The following GMDS variants were observed in gnomAD, a reference collection of about 807,000 sequenced individuals.
GMDS encodes GDP-mannose 4,6 dehydratase.
GMDS carries 20 observed loss-of-function variants against 49.9 expected under a neutral mutation model. The observed-to-expected ratio is 0.40, with a 90% confidence interval of 0.28 to 0.58. The LOEUF is 0.58. Among genes scored for constraint, GMDS ranks in the 20% least tolerant of loss-of-function variants. GMDS has a pLI of 0.42. For missense variants in GMDS, 362 were observed against 481.4 expected (o/e 0.75, Z 2.32); for synonymous variants, 177 against 178.6 (o/e 0.99, Z 0.07).
chr6:1,963,614 C>T (rs186900779), intron 4 of GMDS, among the ~76,000 whole-genome samples: 185 of 152,150 alleles, frequency 1.2e-3, no homozygotes, highest in African/African-American at 4.3e-3. Flanking sequence ...TCTAGTTGTC[C>T]CAGCACCATT....
intron 7 of GMDS, among the ~76,000 whole-genome samples, chr6:1,927,267 A>G (rs1338999204): frequency 3.0e-3 from 3 of 1,006 alleles, no homozygotes; most frequent in Non-Finnish European, 5.6e-3. Context: ...GTGTTGGTGT[A>G]TTTTTATTCG....
At chr6:2,236,586 G>A (rs1781365275) in intron 1 of GMDS, among the ~76,000 whole-genome samples, 1 of 152,114 alleles carries the variant, frequency 6.6e-6, no homozygotes, top group South Asian at 2.1e-4. Context: ...AATACTACTA[G>A]TGTCTGCATA....
chr6:1,709,742 A>G (rs1463263127), intron 9 of GMDS, among the ~76,000 whole-genome samples: 1 of 152,232 alleles, frequency 6.6e-6, no homozygotes, highest in African/African-American at 2.4e-5. Flanking sequence ...GTGCAAAAAG[A>G]AGAACTTATT....
At chr6:2,136,866 A>G (rs770348809) in intron 1 of GMDS, among the ~76,000 whole-genome samples, 2 of 151,072 alleles carry the variant, frequency 1.3e-5, no homozygotes, top group Admixed American at 6.6e-5. Flanking sequence ...CCAGGCCACT[A>G]CATTCTAGCC....
chr6:1,938,133 G>T (rs1762639934), intron 6 of GMDS, among the ~76,000 whole-genome samples: 2 of 152,138 alleles, frequency 1.3e-5, no homozygotes, highest in Admixed American at 1.3e-4. Flanking sequence ...GCCAAATAGG[G>T]TCTCCATTTG....
chr6:1,967,194 C>T (rs975966277), intron 4 of GMDS, among the ~76,000 whole-genome samples: 2 of 152,172 alleles, frequency 1.3e-5, no homozygotes, highest in Non-Finnish European at 2.9e-5. Flanking sequence ...CTTTATCCTG[C>T]TTCATTTCAC....
intron 7 of GMDS, among the ~76,000 whole-genome samples, chr6:1,777,021 G>A (rs1003464399): frequency 6.6e-6 from 1 of 152,220 alleles, no homozygotes; most frequent in Non-Finnish European, 1.5e-5. Context: ...AGATAATCAT[G>A]AGTGTGAAAA....
intron 6 of GMDS, among the ~76,000 whole-genome samples, chr6:1,931,347 G>A (rs1441781949): frequency 6.6e-6 from 1 of 152,202 alleles, no homozygotes; most frequent in East Asian, 1.9e-4. Context: ...CAAGAACGTG[G>A]CTTAGCGCAA....
At chr6:2,242,652 C>T (rs1196394) in intron 1 of GMDS, among the ~76,000 whole-genome samples, 87,805 of 152,094 alleles carry the variant, frequency 0.58, 28,366 homozygotes, top group African/African-American at 0.84. Flanking sequence ...TCATAAGGCT[C>T]ACCACAGTCT....
intron 9 of GMDS, among the ~76,000 whole-genome samples, chr6:1,707,459 A>G (rs56348422): frequency 0.017 from 2,584 of 152,300 alleles, 70 homozygotes; most frequent in African/African-American, 0.059. Flanking sequence ...ACACTCTCTC[A>G]AAGGCCCTGC....
chr6:1,975,126 A>G (rs1393033581), intron 4 of GMDS, among the ~76,000 whole-genome samples: 1 of 152,216 alleles, frequency 6.6e-6, no homozygotes, highest in Non-Finnish European at 1.5e-5. Flanking sequence ...TCATTTTCAT[A>G]GTGAAAAATC....
chr6:1,643,139 A>G (rs1244926423), intron 9 of GMDS, among the ~76,000 whole-genome samples: 1 of 152,138 alleles, frequency 6.6e-6, no homozygotes, highest in Admixed American at 6.5e-5. Context: ...GGAGTTTGTG[A>G]AAAGTGGAGC....
At chr6:1,910,057 T>C (rs189660971) in intron 7 of GMDS, among the ~76,000 whole-genome samples, 1 of 152,348 alleles carries the variant, frequency 6.6e-6, no homozygotes, top group Admixed American at 6.5e-5. Context: ...AATGTCTCAA[T>C]AATTTTTTAA....
chr6:1,658,694 ACT>A (rs770050077), intron 9 of GMDS, among the ~76,000 whole-genome samples: 38 of 152,238 alleles, frequency 2.5e-4, no homozygotes, highest in Non-Finnish European at 5.1e-4. Flanking sequence ...CAAATCACAG[ACT>A]CTAGAATATT....
chr6:2,203,108 C>T (rs1011855649), intron 1 of GMDS, among the ~76,000 whole-genome samples: 6 of 152,130 alleles, frequency 3.9e-5, no homozygotes, highest in Non-Finnish European at 8.8e-5. Context: ...AAATTGCCAA[C>T]ATAAATTACT....
intron 1 of GMDS, among the ~76,000 whole-genome samples, chr6:2,169,629 A>AC (rs1253708868): frequency 6.6e-6 from 1 of 151,914 alleles, no homozygotes; most frequent in African/African-American, 2.4e-5. Flanking sequence ...AGCAAAAAAA[A>AC]AAAAAAACAA....
intron 7 of GMDS, among the ~76,000 whole-genome samples, chr6:1,811,242 T>C (rs373428508): frequency 6.6e-6 from 1 of 152,350 alleles, no homozygotes; most frequent in Non-Finnish European, 1.5e-5. Context: ...AAAAGAAATA[T>C]GTCCTTTTCC....
chr6:1,850,700 G>A (rs143983330), intron 7 of GMDS, among the ~76,000 whole-genome samples: 1 of 152,334 alleles, frequency 6.6e-6, no homozygotes, highest in African/African-American at 2.4e-5. Flanking sequence ...AAAGCTCCCA[G>A]CAGGGTAAGA....
At chr6:1,976,062 T>C (rs1193495624) in intron 4 of GMDS, among the ~76,000 whole-genome samples, 2 of 152,290 alleles carry the variant, frequency 1.3e-5, no homozygotes, top group South Asian at 2.1e-4. Flanking sequence ...CCAAAAAAAT[T>C]AGACTTCTTT....
Sources: allele counts gnomAD v4.1 joint callset (sites outside exome capture counted in the v4.1 genomes callset), GRCh38; gene constraint gnomAD v4.1.1; transcripts MANE v1.5; gene names NCBI Gene and HGNC (gene_info 2026-07-23, HGNC 2026-07-21).